Variants in NOP14 observed in about 807,000 individuals in gnomAD.
The protein encoded by NOP14 is NOP14 nucleolar protein.
In NOP14, 57 loss-of-function variants were observed where a neutral mutation model predicts 101.6. That is an observed-to-expected ratio of 0.56 (90% CI 0.45 to 0.70). The LOEUF (loss-of-function observed/expected upper bound fraction) is 0.70. Ranked by LOEUF, NOP14 falls within the 30% of genes least tolerant of loss-of-function variation. The pLI, the probability that NOP14 is intolerant of heterozygous loss-of-function variation, is 0.00. For missense variants in NOP14, 1,134 were observed against 1,075.5 expected (o/e 1.05, Z -0.76); for synonymous variants, 428 against 424.0 (o/e 1.01, Z -0.12).
intron 17 of NOP14, 24 bp downstream of exon 17, chr4:2,939,164 G>A (rs775103789): frequency 4.3e-6 from 7 of 1,613,272 alleles, no homozygotes; most frequent in Non-Finnish European, 5.9e-6. Context: ...CCACAATCGT[G>A]TCGCACACAC....
chr4:2,957,507 G>C, intron 2 of NOP14, 99 bp downstream of exon 2: 1 of 1,445,236 alleles, frequency 6.9e-7, no homozygotes, highest in South Asian at 1.3e-5. Context: ...CCTTCCGAGT[G>C]CCCAGGAACA....
chr4:2,953,529 GTC>G lies in NOP14; in HGVS notation c.727_728del (p.Asp243GlnfsTer11), dbSNP rs1444213880. On this transcript the variant is annotated frameshift_variant, in exon 5 of 18. Transcript: ENST00000416614. LOFTEE classifies it high-confidence loss of function. ...SHKTPKSENR[D>X]KKEKPKPDAY... ...CTCCCACCTTGGGTTTTTCCTTTTT[GTC>G]TCTGTTCTCTGACTTGGGAGTTTTG... is the stretch of plus-strand genomic sequence containing the variant. 6.2e-7 allele frequency: 1 copy of G among 1,613,404 alleles called. No homozygotes were observed. Among genetic ancestry groups the G allele is most frequent in the Non-Finnish European group, 8.5e-7 (1 of 1,179,866 alleles).
chr4:2,943,636 C>T (rs1390756473), intron 13 of NOP14, among the ~76,000 whole-genome samples: 6 of 152,230 alleles, frequency 3.9e-5, no homozygotes, highest in Non-Finnish European at 8.8e-5. Flanking sequence ...CCTGTGTGAG[C>T]TGCACGAGAA....
At chr4:2,939,404 C>G in intron 16 of NOP14, 61 bp from the exon 17 acceptor site, 1 of 1,610,402 alleles carries the variant, frequency 6.2e-7, no homozygotes, top group Non-Finnish European at 8.5e-7. Context: ...CAGCCAGAGC[C>G]TGCTTGGGAG....
At chr4:2,947,401 T>G in intron 10 of NOP14, 125 bp downstream of exon 10, 1 of 720,302 alleles carries the variant, frequency 1.4e-6, no homozygotes, top group Admixed American at 2.5e-5. Context: ...ACCTGCCCAC[T>G]TGGCATGCTG....
intron 10 of NOP14, chr4:2,946,947 G>T: frequency 4.1e-6 from 1 of 241,662 alleles, no homozygotes; most frequent in Non-Finnish European, 8.1e-6. Context: ...GCAGGAAGCT[G>T]GTGTGCACTC....
chr4:2,940,452 T>C (rs1302707160), intron 15 of NOP14: 1 of 152,144 alleles, frequency 6.6e-6, no homozygotes, highest in African/African-American at 2.4e-5. Flanking sequence ...AGACCTGCTG[T>C]GCCCCTCGGC....
At chr4:2,961,290 T>A (rs1429202915) in intron 1 of NOP14, 4 of 147,672 alleles carry the variant, frequency 2.7e-5, no homozygotes, top group Non-Finnish European at 6.0e-5. Context: ...ATATAGTAAC[T>A]ATATTAATAT....
chr4:2,938,186 G>A lies in NOP14; in HGVS notation c.*645C>T, dbSNP rs1195018189. ...CAAAACCGCAGGCAGCGGGTGGGGG[G>A]AGCTGGAGGTTGGAATCACACCAAC... On this transcript the variant is annotated 3_prime_UTR_variant, in exon 18 of 18. Transcript: ENST00000416614. 3 of 1,287,700 alleles carry A rather than the reference G, an allele frequency of 2.3e-6. No individual in the cohort carries two copies. Among genetic ancestry groups the A allele is most frequent in the Admixed American group, 2.3e-5 (1 of 43,090 alleles). 79.8% of individuals were successfully genotyped at this position (1,287,700 alleles called of 1,614,324 possible).
chr4:2,953,600 T>C lies in NOP14; in HGVS notation c.658A>G (p.Lys220Glu). The C allele has an allele frequency of 1.2e-6, 2 of 1,614,162 alleles. No homozygotes were observed. Among genetic ancestry groups the C allele is most frequent in the Non-Finnish European group, 1.7e-6 (2 of 1,180,038 alleles). ...ATTTCTTTCCAGTCTTGGTCTAGCT[T>C]CTCCGTGAGCTCGAGGGCATCTTCT... ...QREDALELTE[K>E]LDQDWKEIQT... Residue 220 changes from lysine to glutamate, a missense_variant, in exon 5 of 18, where the codon AAG (lysine) becomes GAG (glutamate). Physicochemically the swap from Lys to Glu is moderately conservative, Grantham distance 56 (BLOSUM62 1). Coordinates refer to ENST00000416614, the MANE Select transcript of NOP14 (RefSeq NM_001291978.2).
At chr4:2,940,384 C>T (rs1205346806) in intron 15 of NOP14, 1 of 152,308 alleles carries the variant, frequency 6.6e-6, no homozygotes, top group Admixed American at 6.5e-5. Context: ...GCCGGAATGC[C>T]TCGTCTCCAT....
chr4:2,954,175 C>T (rs1715193894), intron 4 of NOP14, among the ~76,000 whole-genome samples: 1 of 152,130 alleles, frequency 6.6e-6, no homozygotes, highest in East Asian at 1.9e-4. Flanking sequence ...TGTACTCCAG[C>T]CCGGGAAACA....
Position 2,954,448 on chromosome 4 carries a change from GAGCTCTTCAATC to G in NOP14, c.576_587del (p.Glu194_Ile197del). The G allele has an allele frequency of 1.2e-6, 2 of 1,614,116 alleles. No homozygotes were observed. The highest frequency in any genetic ancestry group is 1.7e-6 in the Non-Finnish European group (2 of 1,180,006). On this transcript the variant is annotated inframe_deletion, in exon 4 of 18. Transcript: ENST00000416614. ...CCTTCTCTTGTTTTGACTTGGCAATGAGCTCTTCAATCAGCTCTTTCCGGGACTTCGGTTTCT... is the reference window on the plus strand; with the variant it reads ...CCTTCTCTTGTTTTGACTTGGCAATGAGCTCTTTCCGGGACTTCGGTTTCT...
chr4:2,962,042 G>A (rs1400691679), intron 1 of NOP14, among the ~76,000 whole-genome samples: 2 of 152,200 alleles, frequency 1.3e-5, no homozygotes, highest in East Asian at 1.9e-4. Context: ...TGCAAGAGGC[G>A]AAGCAAGGAC....
At chr4:2,946,742 T>C (rs957022618) in intron 10 of NOP14, 195 bp from the exon 11 acceptor site, 3 of 580,324 alleles carry the variant, frequency 5.2e-6, no homozygotes, top group Non-Finnish European at 9.2e-6. Flanking sequence ...CATAACATTA[T>C]GGACTGGAGG....
At position 2,938,465 on chromosome 4, in the gene NOP14, T is replaced by C. The variant is rs550802521; in HGVS notation, c.*366A>G. On this transcript the variant is annotated 3_prime_UTR_variant, in exon 18 of 18. Coordinates refer to ENST00000416614, the MANE Select transcript of NOP14 (RefSeq NM_001291978.2). ...AACCCAGGAGGTGGAGGTTGTGCCA[T>C]TGCACTCCAGCCTGGGCAACAAGAG... 9.2e-4 allele frequency: 318 copies of C among 345,474 alleles called. 1 individual carries two copies. The highest frequency in any genetic ancestry group is 2.2e-3 in the East Asian group (27 of 12,466). 21.4% of individuals were successfully genotyped at this position (345,474 alleles called of 1,614,324 possible).
At chr4:2,960,742 ATTAAT>A (rs1560310640) in intron 1 of NOP14, among the ~76,000 whole-genome samples, 17 of 126,880 alleles carry the variant, frequency 1.3e-4, no homozygotes, top group Non-Finnish European at 1.8e-4. Flanking sequence ...ATATTAATAT[ATTAAT>A]ATTATAATCA....
intron 15 of NOP14, among the ~76,000 whole-genome samples, chr4:2,940,122 G>A (rs1398411434): frequency 6.6e-6 from 1 of 152,258 alleles, no homozygotes. Flanking sequence ...TGGGTGCTAG[G>A]CGGGGCAGGG....
Position 2,963,355 on chromosome 4 carries a change from C to T in NOP14, c.-36G>A, listed in dbSNP as rs768110678. 10 of 1,514,474 alleles carry T rather than the reference C, an allele frequency of 6.6e-6. No individual in the cohort carries two copies. The highest frequency in any genetic ancestry group is 4.9e-5 in the South Asian group (4 of 81,550). The allele number at this position is 1,514,474 out of a possible 1,614,324, so 93.8% of individuals were successfully genotyped here. A position where few individuals can be genotyped will look rare whatever the true frequency, so the allele number is the denominator to read the frequency against. On this transcript the variant is annotated 5_prime_UTR_variant, in exon 1 of 18. Coordinates refer to ENST00000416614, the MANE Select transcript of NOP14 (RefSeq NM_001291978.2). Reference sequence around the variant, plus strand: ...CCGCTGCGCCCAAGGGCCCGAGACCCGAAGAGAGACAGGCGCGCGCTACCC... The same window carrying T: ...CCGCTGCGCCCAAGGGCCCGAGACCTGAAGAGAGACAGGCGCGCGCTACCC...
Sources: gnomAD v4.1 joint callset for allele counts (sites outside exome capture counted in the v4.1 genomes callset) on GRCh38, gnomAD v4.1.1 for gene constraint, MANE v1.5 for transcripts, NCBI Gene and HGNC (gene_info 2026-07-23, HGNC 2026-07-21) for gene names.